The following RFPL3 variants were observed in gnomAD, a reference collection of about 807,000 sequenced individuals.
The protein encoded by RFPL3 is ret finger protein like 3, also known as ret finger protein-like 3.
Under a neutral mutation model 8.7 loss-of-function variants are expected in RFPL3, and 8 were observed. That is an observed-to-expected ratio of 0.92 (90% CI 0.54 to 1.66). RFPL3 has a LOEUF of 1.66. RFPL3 is among the 40% of genes most tolerant of loss of function. The pLI, the probability that RFPL3 is intolerant of heterozygous loss-of-function variation, is 0.00. For missense variants in RFPL3, 341 were observed against 395.0 expected, an observed-to-expected ratio of 0.86 and a Z score of 1.16; for synonymous variants, 145 against 150.5, an observed-to-expected ratio of 0.96 and a Z score of 0.27.
rs570692217 is a variant in RFPL3, at chr22:32,357,953, G to C, written c.-119G>C. ...TCAGCTCAGAGCACAGTGATGATTCGTGACTTTCCCAATAGAACTTCAAAT... is the reference window on the plus strand; with the variant it reads ...TCAGCTCAGAGCACAGTGATGATTCCTGACTTTCCCAATAGAACTTCAAAT... On this transcript the variant is annotated 5_prime_UTR_variant, in exon 1 of 2. Coordinates refer to ENST00000249007, the MANE Select transcript of RFPL3 (RefSeq NM_001098535.1). The C allele has an allele frequency of 6.5e-7, 1 of 1,540,228 alleles. No homozygotes were observed. The highest frequency in any genetic ancestry group is 1.3e-5 in the South Asian group (1 of 77,424).
chr22:32,360,909 C>A lies in RFPL3; in HGVS notation c.*77C>A. 1 of 1,375,546 alleles carries A rather than the reference C, an allele frequency of 7.3e-7. No homozygotes were observed. Among genetic ancestry groups the A allele is most frequent in the Non-Finnish European group, 9.9e-7 (1 of 1,014,262 alleles). The allele number at this position is 1,375,546 out of a possible 1,614,324, so 85.2% of individuals were successfully genotyped here. A position where few individuals can be genotyped will look rare whatever the true frequency, so the allele number is the denominator to read the frequency against. On this transcript the variant is annotated 3_prime_UTR_variant, in exon 2 of 2. Transcript: ENST00000249007. ...TTAGGAATTTTCTACTTGGTAAAAG[C>A]ATTATACAGTCATAGGAGAAAGATA...
chr22:32,356,096 T>C (rs1006691736), upstream of RFPL3, among the ~76,000 whole-genome samples: 1 of 152,212 alleles, frequency 6.6e-6, no homozygotes, highest in East Asian at 1.9e-4. Flanking sequence ...AACAGTGTCC[T>C]GGACAGCCTG....
In RFPL3 at chr22:32,360,500, C is replaced by T; in HGVS notation, c.622C>T (p.Gln208Ter). 6.2e-7 allele frequency: 1 copy of T among 1,613,956 alleles called. No individual in the cohort carries two copies. The highest frequency in any genetic ancestry group is 8.5e-7 in the Non-Finnish European group (1 of 1,179,872). ...ATCTGTTCACTGCAAAGGGAAGATCCAGCTGACCACAGAGCTTGGATTCTG... is the reference window on the plus strand; with the variant it reads ...ATCTGTTCACTGCAAAGGGAAGATCTAGCTGACCACAGAGCTTGGATTCTG... ...RESVHCKGKIQLTTELGFWTV... is the reference protein window; with the variant it reads ...RESVHCKGKI Residue 208 changes from glutamine (Q) to a stop codon, truncating the protein, a stop_gained, in exon 2 of 2, where the codon CAG becomes TAG. Transcript: ENST00000249007. LOFTEE classifies it low-confidence loss of function (END_TRUNC).
upstream of RFPL3, among the ~76,000 whole-genome samples, chr22:32,357,352 T>C (rs1426103590): frequency 2.0e-5 from 3 of 152,204 alleles, no homozygotes; most frequent in African/African-American, 7.2e-5. Flanking sequence ...GTATTGTTTG[T>C]AGAGATGAGG....
chr22:32,358,527 G>A lies in RFPL3; in HGVS notation c.373+83G>A. The A allele has an allele frequency of 4.7e-6, 7 of 1,497,974 alleles. No individual in the cohort carries two copies. The South Asian group carries it at 6.8e-5, about 14-fold the overall frequency. The allele number at this position is 1,497,974 out of a possible 1,614,324, so 92.8% of individuals were successfully genotyped here. On this transcript the variant is annotated intron_variant, in intron 1 of 1. Transcript: ENST00000249007. ...TGCAGTTGGCCCCTCATTCCACATG[G>A]GGATTAGCTGCTGTCTGGCACCTAA...
Position 32,360,920 on chromosome 22 carries a change from C to A in RFPL3, c.*88C>A. The A allele has an allele frequency of 1.6e-6, 2 of 1,280,326 alleles. No homozygotes were observed. The highest frequency in any genetic ancestry group is 1.8e-5 in the South Asian group (1 of 56,832). 79.3% of individuals were successfully genotyped at this position (1,280,326 alleles called of 1,614,324 possible). ...CTACTTGGTAAAAGCATTATACAGT[C>A]ATAGGAGAAAGATATGGGACATTTC... On this transcript the variant is annotated 3_prime_UTR_variant, in exon 2 of 2. Coordinates refer to ENST00000249007, the MANE Select transcript of RFPL3 (RefSeq NM_001098535.1).
chr22:32,359,933 C>T (rs1466601076), intron 1 of RFPL3: 1 of 351,866 alleles, frequency 2.8e-6, no homozygotes, highest in Non-Finnish European at 5.1e-6. Flanking sequence ...TATTTGTTCA[C>T]ACATCAAGGT....
chr22:32,355,311 G>C (rs995604941), upstream of RFPL3, among the ~76,000 whole-genome samples: 1 of 152,080 alleles, frequency 6.6e-6, no homozygotes, highest in Non-Finnish European at 1.5e-5. Context: ...AACCTCATTT[G>C]CATAACCTCG....
rs148039568 is a variant in RFPL3, at chr22:32,360,399, G to A, written c.521G>A (p.Arg174His). The change falls in exon 2 of 2, where the codon CGC becomes CAC. Residue 174 changes from arginine to histidine, a missense_variant. Physicochemically the swap from Arg to His is conservative, Grantham distance 29 (BLOSUM62 0). Coordinates refer to ENST00000249007, the MANE Select transcript of RFPL3 (RefSeq NM_001098535.1). ...DVSVCILGSP[R>H]FTCGRHYWEV... ...TCCGTTTGCATCCTGGGCTCCCCTCGCTTTACCTGTGGCCGCCACTACTGG... is the reference window on the plus strand; with the variant it reads ...TCCGTTTGCATCCTGGGCTCCCCTCACTTTACCTGTGGCCGCCACTACTGG... 2.7e-5 allele frequency: 43 copies of A among 1,613,730 alleles called. No homozygotes were observed. In the African/African-American group the frequency reaches 4.4e-4, roughly 17 times the overall value.
At position 32,360,567 on chromosome 22, in the gene RFPL3, C is replaced by G. The variant is rs149437141; in HGVS notation, c.689C>G (p.Thr230Arg). ...LRDGSRLSAS[T>R]VPLTFLLVDR... ...GATGGAAGCCGCCTCTCTGCCAGCA[C>G]GGTGCCGCTGACTTTCCTCTTAGTA... Residue 230 changes from threonine (T) to arginine (R), a missense_variant, in exon 2 of 2, where the codon ACG becomes AGG. Thr to Arg is a moderately conservative substitution (Grantham distance 71, BLOSUM62 -1). Coordinates refer to ENST00000249007, the MANE Select transcript of RFPL3 (RefSeq NM_001098535.1). 368 of 1,613,848 alleles carry G rather than the reference C, an allele frequency of 2.3e-4. 1 individual carries two copies. The highest frequency in any genetic ancestry group is 3.7e-4 in the Admixed American group (22 of 59,998).
At chr22:32,355,360 G>A (rs1932629728), upstream of RFPL3, among the ~76,000 whole-genome samples, 1 of 152,152 alleles carries the variant, frequency 6.6e-6, no homozygotes, top group African/African-American at 2.4e-5. Flanking sequence ...TCTAGGCTAT[G>A]TTCTCTGTCT....
Position 32,358,272 on chromosome 22 carries a change from G to A in RFPL3, c.201G>A (p.Leu67=). Reference sequence around the variant, plus strand: ...TCTGCCTCAAGTGCATCAATTCGCTGCAGAAGGAGCCCCATGGGGAGGATC... The same window carrying A: ...TCTGCCTCAAGTGCATCAATTCGCTACAGAAGGAGCCCCATGGGGAGGATC... ...CTVCLKCINS[L]QKEPHGEDLL... The change falls in exon 1 of 2, where the codon CTG becomes CTA. Residue 67 remains leucine (L), a synonymous_variant. Coordinates refer to ENST00000249007, the MANE Select transcript of RFPL3 (RefSeq NM_001098535.1). 1 of 1,613,968 alleles carries A rather than the reference G, an allele frequency of 6.2e-7. No homozygotes were observed.
chr22:32,355,057 G>C (rs572423732), upstream of RFPL3, among the ~76,000 whole-genome samples: 1 of 150,294 alleles, frequency 6.7e-6, no homozygotes, highest in South Asian at 2.1e-4. Flanking sequence ...GGAGAGCTTG[G>C]AATGACAAAA....
chr22:32,355,466 A>G (rs892095862), upstream of RFPL3, among the ~76,000 whole-genome samples: 1 of 152,038 alleles, frequency 6.6e-6, no homozygotes, highest in Non-Finnish European at 1.5e-5. Flanking sequence ...CCCGAGACCC[A>G]GGATCCAATA....
upstream of RFPL3, among the ~76,000 whole-genome samples, chr22:32,355,781 C>CAAAAAAAAAAAAAAAAA (rs5844988): frequency 1.0e-5 from 1 of 99,952 alleles, no homozygotes; most frequent in Non-Finnish European, 2.2e-5. Context: ...GACTTTGTCT[C>CAAAAAAAAAAAAAAAAA]AAAAAAAAAA....
Position 32,357,880 on chromosome 22 carries a change from C to T in RFPL3, c.-192C>T. ...CACATGGGTGCTGCCACGTCACTGG[C>T]TCAGGCTCAGCTGCTGGGTCACCAG... On this transcript the variant is annotated 5_prime_UTR_variant, in exon 1 of 2. Coordinates refer to ENST00000249007, the MANE Select transcript of RFPL3 (RefSeq NM_001098535.1). 1 of 1,451,202 alleles carries T rather than the reference C, an allele frequency of 6.9e-7. No individual in the cohort carries two copies. The allele number at this position is 1,451,202 out of a possible 1,614,324, so 89.9% of individuals were successfully genotyped here. A position where few individuals can be genotyped will look rare whatever the true frequency, so the allele number is the denominator to read the frequency against.
Position 32,360,808 on chromosome 22 carries a change from A to G in RFPL3, c.930A>G (p.Pro310=). The change falls in exon 2 of 2, where the codon CCA becomes CCG. Residue 310 remains proline (P), a synonymous_variant. Transcript: ENST00000249007. The part of the protein sequence containing the change: ...PLMNSGTTDA[P]VRPGEAK ...TGAACTCAGGCACTACTGATGCTCC[A>G]GTCCGTCCTGGGGAGGCCAAATAAG... 1 of 1,565,890 alleles carries G rather than the reference A, an allele frequency of 6.4e-7. No homozygotes were observed. Among genetic ancestry groups the G allele is most frequent in the Non-Finnish European group, 8.7e-7 (1 of 1,155,674 alleles).
Position 32,360,714 on chromosome 22 carries a change from T to G in RFPL3, c.836T>G (p.Leu279Arg), listed in dbSNP as rs749799423. 1.2e-6 allele frequency: 2 copies of G among 1,614,134 alleles called. No homozygotes were observed. Among genetic ancestry groups the G allele is most frequent in the South Asian group, 2.2e-5 (2 of 91,076 alleles). ...TFRSVSAEEP[L>R]RPFLAPSIPP... The stretch of plus-strand genomic sequence containing the variant: ...AGGAGCGTCTCTGCTGAGGAGCCAC[T>G]GCGCCCATTTTTGGCTCCTTCAATT... Residue 279 changes from leucine to arginine, a missense_variant, in exon 2 of 2, where the codon CTG (leucine) becomes CGG (arginine). Physicochemically the swap from Leu to Arg is moderately radical, Grantham distance 102. Transcript: ENST00000249007.
In RFPL3 at chr22:32,360,428, G is replaced by A. The variant is rs1340494808; in HGVS notation, c.550G>A (p.Val184Met). 2.5e-6 allele frequency: 4 copies of A among 1,613,832 alleles called. No homozygotes were observed. Among genetic ancestry groups the A allele is most frequent in the East Asian group, 2.2e-5 (1 of 44,870 alleles). The change falls in exon 2 of 2, where the codon GTG becomes ATG. Residue 184 changes from valine (V) to methionine (M), a missense_variant. Transcript: ENST00000249007. ...RFTCGRHYWE[V>M]DVGTSTEWDL... is the part of the protein sequence containing the mutation. ...TACCTGTGGCCGCCACTACTGGGAGGTGGACGTGGGAACAAGCACAGAATG... is the reference window on the plus strand; with the variant it reads ...TACCTGTGGCCGCCACTACTGGGAGATGGACGTGGGAACAAGCACAGAATG...
Sources: allele counts gnomAD v4.1 joint callset (sites outside exome capture counted in the v4.1 genomes callset), GRCh38; gene constraint gnomAD v4.1.1; transcripts MANE v1.5; gene names NCBI Gene and HGNC (gene_info 2026-07-23, HGNC 2026-07-21).